The following CEMIP2 variants were observed in gnomAD, a reference collection of about 807,000 sequenced individuals.
CEMIP2 encodes cell surface hyaluronidase CEMIP2.
Under a neutral mutation model 146.9 loss-of-function variants are expected in CEMIP2, and 79 were observed. The observed-to-expected ratio is 0.54, with a 90% confidence interval of 0.45 to 0.65. CEMIP2 has a LOEUF of 0.65. CEMIP2 is among the 30% of genes least tolerant of loss of function. The pLI, the probability that CEMIP2 is intolerant of heterozygous loss-of-function variation, is 0.00. For missense variants in CEMIP2, 1,596 were observed against 1,696.2 expected, an observed-to-expected ratio of 0.94 and a Z score of 1.04; for synonymous variants, 601 against 606.3, an observed-to-expected ratio of 0.99 and a Z score of 0.13.
chr9:71,735,890 C>T (rs939455892), intron 5 of CEMIP2, among the ~76,000 whole-genome samples: 1 of 152,208 alleles, frequency 6.6e-6, no homozygotes, highest in South Asian at 2.1e-4. Flanking sequence ...CCCAGGAGTT[C>T]AAGACTAGCT....
chr9:71,760,717 C>T (rs1398600365), intron 1 of CEMIP2, among the ~76,000 whole-genome samples: 2 of 134,044 alleles, frequency 1.5e-5, no homozygotes, highest in Non-Finnish European at 3.5e-5. Flanking sequence ...GAACAGCTAA[C>T]ACTCTCTGAG....
rs1564014568 is a variant in CEMIP2, at chr9:71,730,911, T to A, written c.1567A>T (p.Met523Leu). Residue 523 changes from methionine (M) to leucine (L), a missense_variant, in exon 8 of 24, where the codon ATG becomes TTG. By Grantham distance (15) the Met-to-Leu change is conservative. Transcript: ENST00000377044. ...AGATGGACTGAAGTAAAATTTTTCA[T>A]TATCTGTAAGTCAAGGTACTAAAAT... ...YDTFGGHIMI[M>L]KNFTSVHLSY... 1.2e-6 allele frequency: 2 copies of A among 1,614,048 alleles called. No individual in the cohort carries two copies. Among genetic ancestry groups the A allele is most frequent in the African/African-American group, 1.3e-5 (1 of 75,050 alleles).
chr9:71,755,176 G>A (rs1214509231), intron 1 of CEMIP2, among the ~76,000 whole-genome samples: 1 of 147,202 alleles, frequency 6.8e-6, no homozygotes, highest in Non-Finnish European at 1.5e-5. Context: ...TAACATTAAA[G>A]GAAATCATGC....
chr9:71,728,291 A>ACG (rs1250521070), intron 10 of CEMIP2, among the ~76,000 whole-genome samples: 377 of 17,390 alleles, frequency 0.022, 94 homozygotes, highest in Non-Finnish European at 0.053. Flanking sequence ...GTATATATAT[A>ACG]TATATATATA....
At chr9:71,731,186 T>A (rs540849160) in intron 7 of CEMIP2, among the ~76,000 whole-genome samples, 1 of 152,244 alleles carries the variant, frequency 6.6e-6, no homozygotes, top group Non-Finnish European at 1.5e-5. Flanking sequence ...CTAAGTGTTT[T>A]GATTTGTTCA....
intron 17 of CEMIP2, among the ~76,000 whole-genome samples, chr9:71,708,310 T>C (rs1822810464): frequency 6.6e-6 from 1 of 152,208 alleles, no homozygotes; most frequent in Non-Finnish European, 1.5e-5. Flanking sequence ...ATCTCTTCCA[T>C]CCACCAAAAT....
At chr9:71,752,584 A>G (rs1350806424) in intron 1 of CEMIP2, among the ~76,000 whole-genome samples, 2 of 151,696 alleles carry the variant, frequency 1.3e-5, no homozygotes, top group African/African-American at 2.4e-5. Flanking sequence ...CTTCAGAAAC[A>G]TGGTGTTTAA....
At position 71,730,141 on chromosome 9, in the gene CEMIP2, G is replaced by C; in HGVS notation, c.1886C>G (p.Thr629Ser). The stretch of plus-strand genomic sequence containing the variant: ...GTTGTTCCTATCGGTGGGCAGGAGA[G>C]TACCCGGCTTGGTGAGGAGTCCCAG... ...HNLGLLTKPG[T>S]LLPTDRNNSM... The change falls in exon 9 of 24, where the codon ACT becomes AGT. Residue 629 changes from threonine (T) to serine (S), a missense_variant. Coordinates refer to ENST00000377044, the MANE Select transcript of CEMIP2 (RefSeq NM_013390.3). 2.5e-6 allele frequency: 4 copies of C among 1,614,124 alleles called. No homozygotes were observed. The highest frequency in any genetic ancestry group is 3.4e-6 in the Non-Finnish European group (4 of 1,180,034).
chr9:71,717,849 C>A, intron 13 of CEMIP2, 99 bp downstream of exon 13: 1 of 1,137,976 alleles, frequency 8.8e-7, no homozygotes, highest in East Asian at 2.5e-5. Context: ...AATATGATTC[C>A]AAGAATCATC....
chr9:71,753,019 T>C (rs1427914830), intron 1 of CEMIP2, among the ~76,000 whole-genome samples: 4 of 104,012 alleles, frequency 3.8e-5, no homozygotes, highest in African/African-American at 1.2e-4. Flanking sequence ...GAAGAACTGC[T>C]GCATGTGCCA....
chr9:71,707,330 A>G lies in CEMIP2; in HGVS notation c.2985+1929T>C, dbSNP rs1822774329. 2.1e-5 allele frequency among the ~76,000 whole-genome samples: 3 copies of G among 146,278 alleles called. No individual in the cohort carries two copies. In the Admixed American group the frequency reaches 2.1e-4, roughly 10 times the overall value. ...CCCTTCTGGGACTTAGGCAAGTATT[A>G]CTTTTTTTTTTTAGTATTTTTTATT... On this transcript the variant is annotated intron_variant, in intron 17 of 23. Coordinates refer to ENST00000377044, the MANE Select transcript of CEMIP2 (RefSeq NM_013390.3).
At chr9:71,725,082 A>C (rs896194031) in intron 11 of CEMIP2, among the ~76,000 whole-genome samples, 1 of 152,180 alleles carries the variant, frequency 6.6e-6, no homozygotes, top group Non-Finnish European at 1.5e-5. Context: ...TATCCTGAAC[A>C]GGGAGGGGTT....
chr9:71,716,262 C>T (rs1020131229), intron 14 of CEMIP2, among the ~76,000 whole-genome samples: 2 of 151,834 alleles, frequency 1.3e-5, no homozygotes, highest in Admixed American at 6.6e-5. Flanking sequence ...TAGTCTAAAT[C>T]GCAAGTGTTT....
At chr9:71,768,596 C>G (rs1189832829), upstream of CEMIP2, 1 of 153,004 alleles carries the variant, frequency 6.5e-6, no homozygotes, top group African/African-American at 2.4e-5. Context: ...CCTCCTCCTC[C>G]TCCTCCTCCT....
chr9:71,746,245 A>G lies in CEMIP2; in HGVS notation c.428T>C (p.Leu143Pro). The change falls in exon 3 of 24, where the codon CTG becomes CCG. Residue 143 changes from leucine to proline, a missense_variant. By Grantham distance (98) the Leu-to-Pro change is moderately conservative (BLOSUM62 -3). Transcript: ENST00000377044. ...VVIKEGDMLR[L>P]TSDATVHSIV... ...AGAATGCACGGTGGCGTCTGAGGTC[A>G]GACGGAGCATATCTCCCTCCTTGAT... The G allele has an allele frequency of 6.2e-6, 10 of 1,614,040 alleles. No homozygotes were observed. Among genetic ancestry groups the G allele is most frequent in the Non-Finnish European group, 8.5e-6 (10 of 1,179,902 alleles).
At chr9:71,750,662 G>A (rs1484221438) in intron 1 of CEMIP2, among the ~76,000 whole-genome samples, 4 of 151,168 alleles carry the variant, frequency 2.6e-5, no homozygotes, top group African/African-American at 7.3e-5. Context: ...GGTTAGGCTG[G>A]TCTCGAACTC....
rs546836383 is a variant in CEMIP2, at chr9:71,694,532, G to A, written c.3673C>T (p.Arg1225Cys). The A allele has an allele frequency of 2.4e-5, 38 of 1,613,644 alleles. 1 individual carries two copies. Among genetic ancestry groups the A allele is most frequent in the Middle Eastern group, 3.3e-4 (2 of 6,062 alleles). The change falls in exon 21 of 24, where the codon CGT (arginine) becomes TGT (cysteine). Residue 1225 changes from arginine to cysteine, a missense_variant. Arg to Cys is a radical substitution (Grantham distance 180, BLOSUM62 -3). Coordinates refer to ENST00000377044, the MANE Select transcript of CEMIP2 (RefSeq NM_013390.3). ...ACAGAAATAACAGACGGGTCTCCAC[G>A]CTGGGTTTCTGCTTTATCAGGTGAC... ...FQSPDKAETQ[R>C]GDPSVISVNG...
intron 6 of CEMIP2, among the ~76,000 whole-genome samples, chr9:71,734,208 G>GGTTTTTTTTTTTTTTTTTTTTTTTTT: frequency 6.9e-6 from 1 of 144,136 alleles, no homozygotes. Flanking sequence ...ATGAGTTTTT[G>GGTTTTTTTTTTTTTTTTTTTTTTTTT]TTTTTGTTTT....
Position 71,698,165 on chromosome 9 carries a change from A to G in CEMIP2, c.3417T>C (p.His1139=), listed in dbSNP as rs1822455916. The stretch of plus-strand genomic sequence containing the variant: ...CCTGAGATGAACAGTAACTGTGGCC[A>G]TGCCTGTGGCTTTTGGCTTTGAGAT... The part of the protein sequence containing the change: ...FLYLKAKSHR[H]GHSYCSSQGC... Residue 1139 remains histidine (H), a synonymous_variant, in exon 20 of 24, where the codon CAT becomes CAC. Transcript: ENST00000377044. The G allele has an allele frequency of 6.2e-7, 1 of 1,614,160 alleles. No individual in the cohort carries two copies. The highest frequency in any genetic ancestry group is 2.2e-5 in the East Asian group (1 of 44,876).
Sources: allele counts gnomAD v4.1 joint callset (sites outside exome capture counted in the v4.1 genomes callset), GRCh38; gene constraint gnomAD v4.1.1; transcripts MANE v1.5; gene names NCBI Gene and HGNC (gene_info 2026-07-23, HGNC 2026-07-21).